The following EHD3 variants were observed in gnomAD, a reference collection of about 807,000 sequenced individuals.
EHD3 encodes the protein EH domain containing 3, also known as EH domain-containing protein 3.
EHD3 carries 17 observed loss-of-function variants against 43.0 expected under a neutral mutation model. The observed-to-expected ratio is 0.40, with a 90% CI of 0.27 to 0.59. The LOEUF (loss-of-function observed/expected upper bound fraction) is 0.59, where lower values mean the gene tolerates loss of function less well. Among genes scored for constraint, EHD3 ranks in the 20% least tolerant of loss-of-function variants. The pLI is 0.49. For synonymous variants in EHD3, 313 were observed against 289.5 expected (o/e 1.08, Z -0.82); for missense variants, 594 against 705.6 (o/e 0.84, Z 1.79).
intron 1 of EHD3, among the ~76,000 whole-genome samples, chr2:31,235,960 C>G (rs1683317679): frequency 6.6e-6 from 1 of 152,180 alleles, no homozygotes. Flanking sequence ...TGGTGGCCCC[C>G]CAAAGTCAAG....
Position 31,249,421 on chromosome 2 carries a change from T to C in EHD3, c.455T>C (p.Ile152Thr). 6.2e-7 allele frequency: 1 copy of C among 1,614,060 alleles called. No individual in the cohort carries two copies. The highest frequency in any genetic ancestry group is 8.5e-7 in the Non-Finnish European group (1 of 1,179,982). The change falls in exon 3 of 6, where the codon ATC (isoleucine) becomes ACC (threonine). Residue 152 changes from isoleucine (I) to threonine (T), a missense_variant. Ile to Thr is a moderately conservative substitution (Grantham distance 89). Coordinates refer to ENST00000322054, the MANE Select transcript of EHD3 (RefSeq NM_014600.3). ...CCTGTGCTGGAGAGCATCAGCGTCATCGACACACCAGGGATCCTCTCTGGG... is the reference window on the plus strand; with the variant it reads ...CCTGTGCTGGAGAGCATCAGCGTCACCGACACACCAGGGATCCTCTCTGGG... ...PNPVLESISVIDTPGILSGEK... is the reference protein window; with the variant it reads ...PNPVLESISVTDTPGILSGEK...
chr2:31,255,919 T>C (rs1683743899), intron 3 of EHD3, among the ~76,000 whole-genome samples: 2 of 152,164 alleles, frequency 1.3e-5, no homozygotes, highest in Non-Finnish European at 2.9e-5. Flanking sequence ...GCCTGCAGCC[T>C]CTCTCTCTTG....
chr2:31,242,354 A>C, intron 1 of EHD3, among the ~76,000 whole-genome samples: 1 of 152,182 alleles, frequency 6.6e-6, no homozygotes, highest in East Asian at 1.9e-4. Context: ...GTACAGAAGG[A>C]AGGCATTGAC....
rs765634873 is a variant in EHD3, at chr2:31,234,648, C to A, written c.27C>A (p.Asp9Glu). The A allele has an allele frequency of 4.3e-6, 7 of 1,614,054 alleles. No individual in the cohort carries two copies. The highest frequency in any genetic ancestry group is 5.9e-6 in the Non-Finnish European group (7 of 1,180,014). The change falls in exon 1 of 6, where the codon GAC becomes GAA. Residue 9 changes from aspartate to glutamate, a missense_variant. This residue lies in a region of EHD3 where 243 missense variants were observed against 296.7 expected (regional missense o/e 0.82). Transcript: ENST00000322054. MFSWLGTD[D>E]RRRKDPEVFQ... ...TGTTCAGCTGGCTGGGTACGGACGA[C>A]CGCCGGAGGAAGGACCCCGAGGTTT...
chr2:31,250,924 C>T (rs140072148), intron 3 of EHD3, among the ~76,000 whole-genome samples: 316 of 152,354 alleles, frequency 2.1e-3, no homozygotes, highest in Admixed American at 0.01. Flanking sequence ...TGCTCTGTGG[C>T]TCTGGCTGGG....
intron 3 of EHD3, among the ~76,000 whole-genome samples, chr2:31,258,907 T>TG (rs376059939): frequency 8.3e-5 from 11 of 131,812 alleles, no homozygotes; most frequent in African/African-American, 2.6e-4. Context: ...TAAGAAGCCC[T>TG]GGGGGGATTC....
At chr2:31,254,176 G>A (rs1683693130) in intron 3 of EHD3, among the ~76,000 whole-genome samples, 1 of 152,208 alleles carries the variant, frequency 6.6e-6, no homozygotes, top group Admixed American at 6.5e-5. Context: ...CCTGGTCCAC[G>A]GCTTCTCAGC....
At chr2:31,239,840 G>GGAGACTCTCTAAC (rs1558646407) in intron 1 of EHD3, among the ~76,000 whole-genome samples, 172 of 53,678 alleles carry the variant, frequency 3.2e-3, no homozygotes, top group African/African-American at 0.02. Flanking sequence ...CTCCTCTCTC[G>GGAGACTCTCTAAC]AGCTGACTCT....
At chr2:31,245,825 C>T (rs1683512938) in intron 2 of EHD3, among the ~76,000 whole-genome samples, 1 of 148,276 alleles carries the variant, frequency 6.7e-6, no homozygotes, top group Non-Finnish European at 1.5e-5. Flanking sequence ...AGGTGATTGA[C>T]CTGCCTCAGC....
At chr2:31,252,961 C>A (rs964922902) in intron 3 of EHD3, among the ~76,000 whole-genome samples, 2 of 152,028 alleles carry the variant, frequency 1.3e-5, no homozygotes, top group Non-Finnish European at 2.9e-5. Flanking sequence ...ACCTCAGCAC[C>A]CTGAGGAGAC....
intron 1 of EHD3, 127 bp downstream of exon 1, chr2:31,234,975 CTG>C: frequency 2.2e-6 from 2 of 895,498 alleles, no homozygotes; most frequent in Non-Finnish European, 3.4e-6. Flanking sequence ...CTGAAGAGAT[CTG>C]TGTTTGTGCA....
At chr2:31,264,758 C>G (rs1213714978) in intron 5 of EHD3, among the ~76,000 whole-genome samples, 1 of 151,920 alleles carries the variant, frequency 6.6e-6, no homozygotes, top group East Asian at 1.9e-4. Context: ...TGGTCTCGAT[C>G]TCTTGACCTC....
intron 1 of EHD3, among the ~76,000 whole-genome samples, chr2:31,235,094 C>A (rs1683299288): frequency 1.3e-5 from 2 of 152,120 alleles, no homozygotes; most frequent in African/African-American, 4.8e-5. Flanking sequence ...CTGAAGTATT[C>A]AAGTGTAAAG....
At position 31,260,381 on chromosome 2, in the gene EHD3, G is replaced by T; in HGVS notation, c.503-129G>T. 1 of 916,724 alleles carries T rather than the reference G, an allele frequency of 1.1e-6. No homozygotes were observed. The highest frequency in any genetic ancestry group is 2.6e-5 in the East Asian group (1 of 38,790). The allele number at this position is 916,724 out of a possible 1,614,324, so 56.8% of individuals were successfully genotyped here. A position where few individuals can be genotyped will look rare whatever the true frequency, so the allele number is the denominator to read the frequency against. ...GCTGGAGTCCAAACAGTTAAAATGT[G>T]GAGGAGCCAGGATTTAAACTTAGAT... is the stretch of plus-strand genomic sequence containing the variant. On this transcript the variant is annotated intron_variant, in intron 3 of 5. Transcript: ENST00000322054. This position sits in a 1 kb window ranked among gnomAD's most constrained non-coding sequence, Gnocchi z 4.6.
chr2:31,255,825 C>T (rs1477231865), intron 3 of EHD3, among the ~76,000 whole-genome samples: 1 of 152,146 alleles, frequency 6.6e-6, no homozygotes, highest in Non-Finnish European at 1.5e-5. Flanking sequence ...TATAAAATCA[C>T]GGAAAGAGTT....
intron 3 of EHD3, among the ~76,000 whole-genome samples, chr2:31,259,424 T>C (rs1019435690): frequency 6.6e-6 from 1 of 152,182 alleles, no homozygotes; most frequent in Non-Finnish European, 1.5e-5. Flanking sequence ...TGTCAGTGAA[T>C]GTATAGACTA....
intron 3 of EHD3, among the ~76,000 whole-genome samples, chr2:31,252,372 T>C (rs1303022902): frequency 6.6e-6 from 1 of 152,244 alleles, no homozygotes; most frequent in Non-Finnish European, 1.5e-5. Flanking sequence ...GCACAGCCTG[T>C]GCACCTGTAT....
At chr2:31,258,851 C>G (rs951331084) in intron 3 of EHD3, among the ~76,000 whole-genome samples, 2 of 152,210 alleles carry the variant, frequency 1.3e-5, no homozygotes, top group Admixed American at 6.5e-5. Flanking sequence ...TGCGCCAGAC[C>G]TACTGAATCA....
chr2:31,261,590 C>G lies in EHD3; in HGVS notation c.957C>G (p.Pro319=), dbSNP rs771459012. The part of the protein sequence containing the change: ...YIISSLKKEM[P]SVFGKDNKKK... The stretch of plus-strand genomic sequence containing the variant: ...TCAGCTCTCTGAAGAAGGAGATGCC[C>G]TCGGTGTTCGGGAAGGACAACAAGA... The change falls in exon 5 of 6, where the codon CCC becomes CCG. Residue 319 remains proline, a synonymous_variant. Coordinates refer to ENST00000322054, the MANE Select transcript of EHD3 (RefSeq NM_014600.3). The G allele has an allele frequency of 6.2e-7, 1 of 1,614,188 alleles. No homozygotes were observed. The highest frequency in any genetic ancestry group is 8.5e-7 in the Non-Finnish European group (1 of 1,180,032).
Sources: allele counts gnomAD v4.1 joint callset (sites outside exome capture counted in the v4.1 genomes callset), GRCh38; gene constraint gnomAD v4.1.1; regional missense constraint gnomAD v4.1.1; non-coding constraint Gnocchi (gnomAD v3.1); transcripts MANE v1.5; gene names NCBI Gene and HGNC (gene_info 2026-07-23, HGNC 2026-07-21).